The following TRIM37 variants were observed in gnomAD, a reference collection of about 807,000 sequenced individuals.
The protein encoded by TRIM37 is E3 ubiquitin-protein ligase TRIM37.
TRIM37 carries 80 observed loss-of-function variants against 129.8 expected under a neutral mutation model. The observed-to-expected ratio is 0.62, with a 90% CI of 0.51 to 0.74. The LOEUF (loss-of-function observed/expected upper bound fraction) is 0.74. Ranked by LOEUF, TRIM37 falls within the 30% of genes least tolerant of loss-of-function variation. The pLI, the probability that TRIM37 is intolerant of heterozygous loss-of-function variation, is 0.00. For synonymous variants in TRIM37, 389 were observed against 387.1 expected, an observed-to-expected ratio of 1.00 and a Z score of -0.06; for missense variants, 1,054 against 1,176.5, an observed-to-expected ratio of 0.90 and a Z score of 1.52.
At chr17:59,105,209 A>C (rs2045887639) in intron 1 of TRIM37, among the ~76,000 whole-genome samples, 1 of 152,210 alleles carries the variant, frequency 6.6e-6, no homozygotes, top group Non-Finnish European at 1.5e-5. Flanking sequence ...TATAATTTAG[A>C]GGAAAAAGAA....
intron 1 of TRIM37, 71 bp downstream of exon 1, chr17:59,106,370 A>C: frequency 6.3e-7 from 1 of 1,597,712 alleles, no homozygotes; most frequent in Non-Finnish European, 8.6e-7. Context: ...GGACATGGGC[A>C]CGACTCCCCG....
intron 21 of TRIM37, among the ~76,000 whole-genome samples, chr17:59,014,124 C>T (rs1316412269): frequency 1.3e-5 from 2 of 152,072 alleles, no homozygotes; most frequent in African/African-American, 2.4e-5. Flanking sequence ...TTAGGTAGTA[C>T]GTAGGGAAGA....
intron 17 of TRIM37, among the ~76,000 whole-genome samples, chr17:59,039,597 G>A (rs1599075700): frequency 6.6e-6 from 1 of 151,376 alleles, no homozygotes; most frequent in African/African-American, 2.4e-5. Context: ...CACCCACCTC[G>A]GCCTCCCAAC....
chr17:59,070,999 C>G, intron 8 of TRIM37, 52 bp from the exon 9 acceptor site: 1 of 1,599,938 alleles, frequency 6.3e-7, no homozygotes, highest in Non-Finnish European at 8.5e-7. Flanking sequence ...TTCACTGCCA[C>G]CTCAAAATTC....
chr17:58,970,428 C>T, the TRIM37 span, among the ~76,000 whole-genome samples: 10 of 151,600 alleles, frequency 6.6e-5, no homozygotes, highest in South Asian at 2.1e-4. Context: ...TAACTGGGGA[C>T]GAATAAAAGA....
chr17:59,033,527 G>T (rs945983548), intron 17 of TRIM37, among the ~76,000 whole-genome samples: 2 of 152,124 alleles, frequency 1.3e-5, no homozygotes, highest in Non-Finnish European at 2.9e-5. Context: ...CCGCCTCCTG[G>T]GTTCAAGCGA....
intron 2 of TRIM37, among the ~76,000 whole-genome samples, chr17:59,098,118 G>A (rs1189869943): frequency 6.6e-6 from 1 of 152,142 alleles, no homozygotes; most frequent in Admixed American, 6.5e-5. Flanking sequence ...ACAGAATAGA[G>A]AGGTAGAAAT....
At chr17:59,087,398 T>C (rs894011243) in intron 4 of TRIM37, among the ~76,000 whole-genome samples, 61 of 151,866 alleles carry the variant, frequency 4.0e-4, no homozygotes, top group African/African-American at 1.3e-3. Context: ...CCCGCCCGAA[T>C]AGTAGGTTTT....
At chr17:59,054,805 C>T (rs1412900114) in intron 13 of TRIM37, among the ~76,000 whole-genome samples, 1 of 152,018 alleles carries the variant, frequency 6.6e-6, no homozygotes, top group Non-Finnish European at 1.5e-5. Context: ...GCTGGGATTA[C>T]AGGCGCGTGC....
intron 17 of TRIM37, among the ~76,000 whole-genome samples, chr17:59,034,748 A>C (rs567074081): frequency 6.6e-6 from 1 of 152,126 alleles, no homozygotes; most frequent in South Asian, 2.1e-4. Flanking sequence ...TCTCTTTCCA[A>C]GCTATTCTGT....
At chr17:59,072,028 A>G (rs2042413617) in intron 8 of TRIM37, among the ~76,000 whole-genome samples, 1 of 152,182 alleles carries the variant, frequency 6.6e-6, no homozygotes. Flanking sequence ...ACCTCAGTCT[A>G]TCTGGAGATA....
At chr17:59,060,007 T>C (rs1054632465) in intron 12 of TRIM37, among the ~76,000 whole-genome samples, 7 of 152,176 alleles carry the variant, frequency 4.6e-5, no homozygotes, top group African/African-American at 1.7e-4. Flanking sequence ...CTCAGACATA[T>C]GCCCTGATAA....
downstream of TRIM37, among the ~76,000 whole-genome samples, chr17:58,995,574 TAA>T (rs2032909970): frequency 6.6e-6 from 1 of 152,054 alleles, no homozygotes; most frequent in Non-Finnish European, 1.5e-5. Flanking sequence ...GTAGCTGATA[TAA>T]ATAAGTAGCT....
chr17:59,085,991 TAGAAAC>T (rs1338373887), intron 4 of TRIM37, among the ~76,000 whole-genome samples: 13 of 151,972 alleles, frequency 8.6e-5, no homozygotes, highest in African/African-American at 2.9e-4. Context: ...CTCAAACAGA[TAGAAAC>T]AGAAAGTACA....
At chr17:59,090,942 T>A (rs1484610227) in intron 3 of TRIM37, among the ~76,000 whole-genome samples, 1 of 152,022 alleles carries the variant, frequency 6.6e-6, no homozygotes, top group Non-Finnish European at 1.5e-5. Context: ...GCTATCTGGA[T>A]TTTTTTAACC....
chr17:59,008,173 C>T (rs866391641), intron 22 of TRIM37, among the ~76,000 whole-genome samples: 6 of 152,042 alleles, frequency 3.9e-5, no homozygotes, highest in Non-Finnish European at 5.9e-5. Flanking sequence ...ATCAGTTAGT[C>T]TCCTTCTCAC....
intron 2 of TRIM37, among the ~76,000 whole-genome samples, chr17:59,102,516 C>T (rs2045605327): frequency 6.6e-6 from 1 of 152,074 alleles, no homozygotes; most frequent in Admixed American, 6.6e-5. Flanking sequence ...AAAATAACAC[C>T]TTACAAACAA....
At chr17:58,982,371 G>A (rs987444727), downstream of TRIM37, 1 of 152,338 alleles carries the variant, frequency 6.6e-6, no homozygotes, top group African/African-American at 2.4e-5. Context: ...GATTCTCTAA[G>A]AGTCACGAAT....
At position 59,012,390 on chromosome 17, in the gene TRIM37, T is replaced by C. The variant is rs201937328; in HGVS notation, c.2633A>G (p.Asn878Ser). 6.2e-6 allele frequency: 10 copies of C among 1,612,954 alleles called. No individual in the cohort carries two copies. Among genetic ancestry groups the C allele is most frequent in the African/African-American group, 1.3e-5 (1 of 74,930 alleles). Residue 878 changes from asparagine to serine, a missense_variant, in exon 22 of 24, where the codon AAT becomes AGT. Asn to Ser is a conservative substitution (Grantham distance 46). Around this residue, in one of 3 missense-constraint regions of TRIM37, gnomAD observed 287 missense variants for 274.3 expected, o/e 1.05. Coordinates refer to ENST00000262294, the MANE Select transcript of TRIM37 (RefSeq NM_015294.6). ...EGLQMTDLEN[N>S]SETGELQPVL... ...AGGCTGTAACTCTCCAGTTTCAGAA[T>C]TATTTTCCAAATCAGTCATCTGCAG... is the stretch of plus-strand genomic sequence containing the variant.
Sources: allele counts gnomAD v4.1 joint callset (sites outside exome capture counted in the v4.1 genomes callset), GRCh38; gene constraint gnomAD v4.1.1; regional missense constraint gnomAD v4.1.1; transcripts MANE v1.5; gene names NCBI Gene and HGNC (gene_info 2026-07-23, HGNC 2026-07-21).